The following GRM7 variants were observed in gnomAD, a reference collection of about 807,000 sequenced individuals.
GRM7 encodes the protein metabotropic glutamate receptor 7.
In GRM7, 35 loss-of-function variants were observed where a neutral mutation model predicts 84.5. That is an observed-to-expected ratio of 0.41 (90% CI 0.32 to 0.55). GRM7 has a LOEUF of 0.55. Ranked by LOEUF, GRM7 falls within the 20% of genes least tolerant of loss-of-function variation. The pLI is 0.19. For missense variants in GRM7, 1,003 were observed against 1,194.6 expected (o/e 0.84, Z 2.36); for synonymous variants, 487 against 455.1 (o/e 1.07, Z -0.89).
chr3:7,222,291 AAG>A (rs1575050089), intron 2 of GRM7, among the ~76,000 whole-genome samples: 1 of 152,062 alleles, frequency 6.6e-6, no homozygotes, highest in East Asian at 1.9e-4. Context: ...TACCTAGATT[AAG>A]GTAGTGCTGT....
Position 7,539,426 on chromosome 3 carries a change from C to A in GRM7, c.1516-38996C>A, listed in dbSNP as rs1227321301. 2.0e-5 allele frequency among the ~76,000 whole-genome samples: 3 copies of A among 152,114 alleles called. No homozygotes were observed. In the East Asian group the frequency reaches 5.8e-4, roughly 29 times the overall value. ...GTGTGGTGGCTCACGCCTGTAATCCCAGCACTTTGGGAGGCCGAGGTGGGT... is the reference window on the plus strand; with the variant it reads ...GTGTGGTGGCTCACGCCTGTAATCCAAGCACTTTGGGAGGCCGAGGTGGGT... On this transcript the variant is annotated intron_variant, in intron 7 of 9. Transcript: ENST00000357716.
intron 9 of GRM7, among the ~76,000 whole-genome samples, chr3:7,734,103 G>A (rs1702418791): frequency 1.3e-5 from 2 of 152,136 alleles, no homozygotes; most frequent in African/African-American, 4.8e-5. Context: ...TTTCTCTAAG[G>A]TTATCTAGGC....
chr3:7,364,047 T>C (rs76696126), intron 4 of GRM7, among the ~76,000 whole-genome samples: 13,200 of 152,088 alleles, frequency 0.087, 602 homozygotes, highest in African/African-American at 0.11. Context: ...ACTGTGCCAC[T>C]TCTTTACCCT....
chr3:7,415,322 A>C (rs912237156), intron 5 of GRM7, among the ~76,000 whole-genome samples, 159 bp downstream of exon 5: 6 of 152,198 alleles, frequency 3.9e-5, no homozygotes, highest in Non-Finnish European at 7.4e-5. Flanking sequence ...TACGTCTTGC[A>C]GGACAAAAGA....
At chr3:7,083,955 A>G (rs537057104) in intron 1 of GRM7, among the ~76,000 whole-genome samples, 1 of 152,216 alleles carries the variant, frequency 6.6e-6, no homozygotes, top group African/African-American at 2.4e-5. Flanking sequence ...AGCATCCTTC[A>G]GTGTAGCTGG....
chr3:7,587,239 A>G (rs540036288), intron 8 of GRM7, among the ~76,000 whole-genome samples: 1 of 152,288 alleles, frequency 6.6e-6, no homozygotes, highest in Non-Finnish European at 1.5e-5. Context: ...AAGCGGCCTT[A>G]TGCCAACTGG....
At chr3:7,456,963 T>TA (rs1273770340) in intron 6 of GRM7, among the ~76,000 whole-genome samples, 1 of 152,156 alleles carries the variant, frequency 6.6e-6, no homozygotes, top group African/African-American at 2.4e-5. Context: ...GACTTTCGGT[T>TA]AAAAAATCAA....
chr3:7,539,443 G>A (rs998559536), intron 7 of GRM7, among the ~76,000 whole-genome samples: 4 of 151,918 alleles, frequency 2.6e-5, no homozygotes, highest in South Asian at 2.1e-4. Context: ...TTGGGAGGCC[G>A]AGGTGGGTGG....
At chr3:7,303,293 T>C (rs1420540808) in intron 3 of GRM7, among the ~76,000 whole-genome samples, 2 of 152,190 alleles carry the variant, frequency 1.3e-5, no homozygotes, top group African/African-American at 2.4e-5. Flanking sequence ...AAAATATGAC[T>C]AAAGTACTTT....
chr3:7,576,196 A>G (rs1317700646), intron 7 of GRM7, among the ~76,000 whole-genome samples: 1 of 152,184 alleles, frequency 6.6e-6, no homozygotes, highest in Non-Finnish European at 1.5e-5. Context: ...GACATTTGTA[A>G]AGTTAATGCG....
intron 1 of GRM7, chr3:6,892,991 G>GATA: frequency 6.6e-6 from 1 of 152,106 alleles, no homozygotes; most frequent in Admixed American, 6.5e-5. Context: ...TGATGATGAT[G>GATA]ATAATGATGA....
At chr3:7,649,553 G>A (rs1698831092) in intron 8 of GRM7, among the ~76,000 whole-genome samples, 1 of 152,080 alleles carries the variant, frequency 6.6e-6, no homozygotes, top group Non-Finnish European at 1.5e-5. Context: ...GTGGTTCAAC[G>A]TGGCAGAGAC....
At chr3:7,125,727 C>G (rs1308008946) in intron 1 of GRM7, among the ~76,000 whole-genome samples, 5 of 152,180 alleles carry the variant, frequency 3.3e-5, no homozygotes, top group Admixed American at 2.0e-4. Flanking sequence ...ATGACTGTTT[C>G]ACATCACTCT....
chr3:7,384,974 A>C (rs1055495295), intron 4 of GRM7, among the ~76,000 whole-genome samples: 1 of 152,204 alleles, frequency 6.6e-6, no homozygotes, highest in Non-Finnish European at 1.5e-5. Flanking sequence ...AAAGATAACA[A>C]TTTTACTTTC....
intron 9 of GRM7, among the ~76,000 whole-genome samples, chr3:7,699,471 T>C (rs1223733819): frequency 1.3e-5 from 2 of 152,218 alleles, no homozygotes; most frequent in Non-Finnish European, 1.5e-5. Flanking sequence ...CTAAATTCTA[T>C]AACAAACAAG....
At chr3:7,617,912 A>G (rs1022044165) in intron 8 of GRM7, among the ~76,000 whole-genome samples, 2 of 152,124 alleles carry the variant, frequency 1.3e-5, no homozygotes, top group Non-Finnish European at 2.9e-5. Flanking sequence ...AAGGGGCTGC[A>G]AATGTTGCAA....
chr3:6,985,896 T>A (rs1249958219), intron 1 of GRM7, among the ~76,000 whole-genome samples: 2 of 152,344 alleles, frequency 1.3e-5, no homozygotes, highest in Admixed American at 1.3e-4. Context: ...TTTTCAAGAC[T>A]TAAATTCGCT....
chr3:7,086,886 T>C (rs1485896849), intron 1 of GRM7, among the ~76,000 whole-genome samples: 1 of 152,244 alleles, frequency 6.6e-6, no homozygotes, highest in Admixed American at 6.5e-5. Context: ...CTGTTGGCTA[T>C]AGTCAAATGG....
At chr3:6,912,352 A>G (rs952063597) in intron 1 of GRM7, among the ~76,000 whole-genome samples, 4 of 152,148 alleles carry the variant, frequency 2.6e-5, no homozygotes, top group African/African-American at 9.7e-5. Flanking sequence ...TCATTTGGCT[A>G]TGCAAACCTT....
Sources: allele counts gnomAD v4.1 joint callset (sites outside exome capture counted in the v4.1 genomes callset), GRCh38; gene constraint gnomAD v4.1.1; transcripts MANE v1.5; gene names NCBI Gene and HGNC (gene_info 2026-07-23, HGNC 2026-07-21).